Variants in GIT2 observed in about 807,000 individuals in gnomAD.
The protein encoded by GIT2 is ARF GTPase-activating protein GIT2.
Under a neutral mutation model 100.3 loss-of-function variants are expected in GIT2, and 32 were observed. That is an observed-to-expected ratio of 0.32 (90% CI 0.24 to 0.43). The LOEUF is 0.43. Ranked by LOEUF, GIT2 falls within the 20% of genes least tolerant of loss-of-function variation. The pLI, the probability that GIT2 is intolerant of heterozygous loss-of-function variation, is 1.00. For synonymous variants in GIT2, 353 were observed against 364.1 expected (o/e 0.97, Z 0.35); for missense variants, 737 against 975.1 (o/e 0.76, Z 3.25).
At position 109,938,507 on chromosome 12, in the gene GIT2, T is replaced by C; in HGVS notation, c.1876A>G (p.Thr626Ala). The C allele has an allele frequency of 6.2e-7, 1 of 1,613,618 alleles. No homozygotes were observed. Among genetic ancestry groups the C allele is most frequent in the Non-Finnish European group, 8.5e-7 (1 of 1,179,776 alleles). The change falls in exon 18 of 20, where the codon ACA becomes GCA. Residue 626 changes from threonine (T) to alanine (A), a missense_variant. Thr to Ala is a moderately conservative substitution (Grantham distance 58). This residue lies in a region of GIT2 where 451 missense variants were observed against 543.7 expected (regional missense o/e 0.83). Coordinates refer to ENST00000355312, the MANE Select transcript of GIT2 (RefSeq NM_057169.5). The stretch of plus-strand genomic sequence containing the variant: ...CTTGGGGCCACATGGGGTTCTGCTG[T>C]GTCTGGTACCAAGCCATCCCCTGGC... Reference protein sequence around the residue: ...VWPGDGLVPDTAEPHVAPSPT... With the variant: ...VWPGDGLVPDAAEPHVAPSPT...
At chr12:109,967,641 T>C (rs902805709) in intron 7 of GIT2, 138 bp from the exon 8 acceptor site, 2 of 665,506 alleles carry the variant, frequency 3.0e-6, no homozygotes, top group Non-Finnish European at 5.3e-6. Context: ...CTAGACTAGC[T>C]AAAAATTCCT....
intron 7 of GIT2, among the ~76,000 whole-genome samples, chr12:109,975,299 G>A (rs1884790231): frequency 6.6e-6 from 1 of 152,082 alleles, no homozygotes; most frequent in Admixed American, 6.6e-5. Flanking sequence ...GACCTCCTGA[G>A]CTCAAGTGAT....
At position 109,989,085 on chromosome 12, in the gene GIT2, A is replaced by C. The variant is rs746749677; in HGVS notation, c.300-17T>G. On this transcript the variant is annotated splice_polypyrimidine_tract_variant and intron_variant, in intron 3 of 19. Coordinates refer to ENST00000355312, the MANE Select transcript of GIT2 (RefSeq NM_057169.5). ...TTATTGGGACTGGTTCAAAAACAAA[A>C]AAGAAAACAGTTCACTCGTTCAGAT... 6.8e-7 allele frequency: 1 copy of C among 1,462,064 alleles called. No individual in the cohort carries two copies. The highest frequency in any genetic ancestry group is 1.1e-5 in the South Asian group (1 of 87,972). The allele number at this position is 1,462,064 out of a possible 1,614,324, so 90.6% of individuals were successfully genotyped here.
At chr12:109,943,663 C>CT (rs773314431) in intron 16 of GIT2, among the ~76,000 whole-genome samples, 3,905 of 125,606 alleles carry the variant, frequency 0.031, 125 homozygotes, top group African/African-American at 0.079. Context: ...ATCAAGAATT[C>CT]TTTTTTTTTT....
At position 109,939,317 on chromosome 12, in the gene GIT2, T is replaced by C. The variant is rs531155611; in HGVS notation, c.1732-70A>G. 3.1e-5 allele frequency: 27 copies of C among 880,428 alleles called. No homozygotes were observed. The East Asian group carries it at 6.4e-4, about 21-fold the overall frequency. 54.5% of individuals were successfully genotyped at this position (880,428 alleles called of 1,614,324 possible). Reference sequence around the variant, plus strand: ...TCTTCTCAGGAGTCTTCCCCAGGAATTGTTACCTGTTAGGCTACTGGCCTT... The same window carrying C: ...TCTTCTCAGGAGTCTTCCCCAGGAACTGTTACCTGTTAGGCTACTGGCCTT... On this transcript the variant is annotated intron_variant, in intron 16 of 19. Transcript: ENST00000355312.
At chr12:109,942,930 T>C (rs769194810) in intron 16 of GIT2, 1 of 152,204 alleles carries the variant, frequency 6.6e-6, no homozygotes, top group Non-Finnish European at 1.5e-5. Flanking sequence ...AAAAATATTA[T>C]AAGCATGCAG....
chr12:109,978,330 G>T (rs903084015), intron 7 of GIT2, among the ~76,000 whole-genome samples: 3 of 151,896 alleles, frequency 2.0e-5, no homozygotes, highest in African/African-American at 7.3e-5. Context: ...TGATCTGCCC[G>T]CCTCAGCCTC....
At chr12:109,963,524 T>C (rs992881374) in intron 9 of GIT2, among the ~76,000 whole-genome samples, 1 of 152,186 alleles carries the variant, frequency 6.6e-6, no homozygotes, top group Admixed American at 6.5e-5. Context: ...ACAAGAAAAC[T>C]GAGGCAGAGA....
At position 109,934,198 on chromosome 12, in the gene GIT2, C is replaced by G; in HGVS notation, c.2004-113G>C. 1 of 704,732 alleles carries G rather than the reference C, an allele frequency of 1.4e-6. No individual in the cohort carries two copies. The highest frequency in any genetic ancestry group is 2.7e-5 in the East Asian group (1 of 37,188). The allele number at this position is 704,732 out of a possible 1,614,324, so 43.7% of individuals were successfully genotyped here. On this transcript the variant is annotated intron_variant, in intron 18 of 19. Transcript: ENST00000355312. This position sits in a 1 kb window ranked among gnomAD's most constrained non-coding sequence, Gnocchi z 4.5. ...CATTCCCTTCATGAAGGGGCTAGGG[C>G]TGCAGTCAGCCGTGCATCCCACACC...
chr12:109,984,891 C>T lies in GIT2; in HGVS notation c.406-1197G>A, dbSNP rs78615903. Among the ~76,000 whole-genome samples the T allele has an allele frequency of 9.2e-3, 1,393 of 152,232 alleles. 32 individuals carry two copies. Among genetic ancestry groups the T allele is most frequent in the African/African-American group, 0.032 (1,321 of 41,536 alleles). ...TTCTACACTGTGTAAGCTACAGGAT[C>T]CTGCCTTATACAATACCCTCTCTAC... On this transcript the variant is annotated intron_variant, in intron 4 of 19. Coordinates refer to ENST00000355312, the MANE Select transcript of GIT2 (RefSeq NM_057169.5).
chr12:109,975,467 G>T (rs1307888262), intron 7 of GIT2, among the ~76,000 whole-genome samples: 1 of 152,058 alleles, frequency 6.6e-6, no homozygotes, highest in African/African-American at 2.4e-5. Context: ...ATTGCTTCAG[G>T]CTCCCTGAAG....
At position 109,967,050 on chromosome 12, in the gene GIT2, T is replaced by C. The variant is rs148009026; in HGVS notation, c.764+408A>G. Among the ~76,000 whole-genome samples, 1,100 of 152,316 alleles carry C rather than the reference T, an allele frequency of 7.2e-3. 16 individuals are homozygous for C. The highest frequency in any genetic ancestry group is 0.022 in the African/African-American group (929 of 41,560). On this transcript the variant is annotated intron_variant, in intron 8 of 19. Coordinates refer to ENST00000355312, the MANE Select transcript of GIT2 (RefSeq NM_057169.5). ...CCACAGATGCTTTCATCTACAACAG[T>C]AGAGTTAAGCTGTTGCGAAAGCGGC... is the stretch of plus-strand genomic sequence containing the variant.
At chr12:109,999,768 A>G (rs754182669), upstream of GIT2, 8 of 1,529,374 alleles carry the variant, frequency 5.2e-6, no homozygotes, top group South Asian at 9.8e-5. This position sits in a 1 kb window ranked among gnomAD's most constrained non-coding sequence, Gnocchi z 4.3. Flanking sequence ...CAGCTCGAGA[A>G]GGAGCTGCAG....
At chr12:109,937,777 G>A (rs544747748) in intron 18 of GIT2, among the ~76,000 whole-genome samples, 13 of 152,132 alleles carry the variant, frequency 8.5e-5, no homozygotes, top group East Asian at 1.9e-4. Context: ...ATCTTGGCTC[G>A]CTGCAACCTC....
At chr12:109,951,397 G>T in intron 13 of GIT2, 81 bp from the exon 14 acceptor site, 2 of 1,192,968 alleles carry the variant, frequency 1.7e-6, no homozygotes, top group South Asian at 2.7e-5. Flanking sequence ...TTCAAATTCT[G>T]ACCAAGCCAG....
At chr12:109,953,575 C>T (rs1242663524) in intron 12 of GIT2, 2 of 212,120 alleles carry the variant, frequency 9.4e-6, no homozygotes, top group Non-Finnish European at 1.9e-5. Flanking sequence ...TGCAGTGAAC[C>T]ATGACTGCAC....
At position 109,931,930 on chromosome 12, in the gene GIT2, A is replaced by G. The variant is rs1416806912; in HGVS notation, c.*1048T>C. 1 of 152,192 alleles carries G rather than the reference A, an allele frequency of 6.6e-6. No homozygotes were observed. The highest frequency in any genetic ancestry group is 2.4e-5 in the African/African-American group (1 of 41,428). The allele number at this position is 152,192 out of a possible 1,614,324, so 9.4% of individuals were successfully genotyped here. A position where few individuals can be genotyped will look rare whatever the true frequency, so the allele number is the denominator to read the frequency against. On this transcript the variant is annotated 3_prime_UTR_variant, in exon 20 of 20. Coordinates refer to ENST00000355312, the MANE Select transcript of GIT2 (RefSeq NM_057169.5). ...TCATGAGGTGATGGAGGAGAAACTA[A>G]CTCAGATGACTGCGATACGATACAT... is the stretch of plus-strand genomic sequence containing the variant.
At chr12:109,954,936 C>G (rs984825320) in intron 12 of GIT2, among the ~76,000 whole-genome samples, 9 of 151,618 alleles carry the variant, frequency 5.9e-5, no homozygotes, top group Admixed American at 5.9e-4. Context: ...AGGATAGATC[C>G]TATTTTAACT....
In GIT2 at chr12:109,961,599, C is replaced by G. The variant is rs375381688; in HGVS notation, c.889+14G>C. 3.2e-6 allele frequency: 5 copies of G among 1,554,270 alleles called. No individual in the cohort carries two copies. Among genetic ancestry groups the G allele is most frequent in the Non-Finnish European group, 4.4e-6 (5 of 1,126,066 alleles). On this transcript the variant is annotated intron_variant, in intron 10 of 19. Transcript: ENST00000355312. ...GATAACAGAAGCTTATTAGATAAAG[C>G]CACGTCAAGTCACCTGCATCCGTCT...
Sources: allele counts gnomAD v4.1 joint callset (sites outside exome capture counted in the v4.1 genomes callset), GRCh38; gene constraint gnomAD v4.1.1; regional missense constraint gnomAD v4.1.1; non-coding constraint Gnocchi (gnomAD v3.1); transcripts MANE v1.5; gene names NCBI Gene and HGNC (gene_info 2026-07-23, HGNC 2026-07-21).